GLRA1: variants seen among roughly 807,000 people sequenced by gnomAD.
The protein encoded by GLRA1 is glycine receptor subunit alpha-1.
In GLRA1, 37 loss-of-function variants were observed where a neutral mutation model predicts 48.3. The ratio of observed to expected loss-of-function variants is 0.77; its 90% confidence interval spans 0.59 to 1.01. The LOEUF is 1.01. Ranked by LOEUF, GLRA1 falls within the 50% of genes least tolerant of loss-of-function variation. GLRA1 has a pLI of 0.00. For missense variants in GLRA1, 427 were observed against 571.0 expected (o/e 0.75, Z 2.57); for synonymous variants, 196 against 210.7 (o/e 0.93, Z 0.60).
intron 3 of GLRA1, among the ~76,000 whole-genome samples, chr5:151,864,139 A>ATGTGTG (rs5872230): frequency 0.027 from 4,085 of 150,196 alleles, 70 homozygotes; most frequent in South Asian, 0.076. Context: ...TGAAGTGTGC[A>ATGTGTG]TGTGTGTGTG....
At chr5:151,881,982 G>C (rs1340539332) in intron 3 of GLRA1, among the ~76,000 whole-genome samples, 1 of 152,194 alleles carries the variant, frequency 6.6e-6, no homozygotes, top group African/African-American at 2.4e-5. Flanking sequence ...CTAGCTGTTT[G>C]TGTGGTTGGA....
intron 7 of GLRA1, among the ~76,000 whole-genome samples, chr5:151,843,484 A>G (rs1752565286): frequency 6.6e-6 from 1 of 151,796 alleles, no homozygotes; most frequent in African/African-American, 2.4e-5. Flanking sequence ...GATGGTCTAG[A>G]TCTCCTGACC....
chr5:151,875,894 A>G (rs1335579324), intron 3 of GLRA1, among the ~76,000 whole-genome samples: 3 of 152,192 alleles, frequency 2.0e-5, no homozygotes, highest in African/African-American at 7.2e-5. Context: ...TGGCTGTGCC[A>G]TTTATTGGCT....
In GLRA1 at chr5:151,924,519, G is replaced by T. The variant is rs750512870; in HGVS notation, c.31C>A (p.Leu11Ile). The T allele has an allele frequency of 9.3e-6, 15 of 1,604,486 alleles. No individual in the cohort carries two copies. The Admixed American group carries it at 1.2e-4, about 12-fold the overall frequency. MYSFNTLRLY[L>I]WETIVFFSLA... The stretch of plus-strand genomic sequence containing the variant: ...CTGAAGAATACAATGGTCTCCCAAA[G>T]GTAGAGTCGAAGAGTATTGAAGCTG... Residue 11 changes from leucine to isoleucine, a missense_variant, in exon 1 of 9, where the codon CTT (leucine) becomes ATT (isoleucine). Physicochemically the swap from Leu to Ile is conservative, Grantham distance 5. Around this residue, in one of 4 missense-constraint regions of GLRA1, gnomAD observed 271 missense variants for 434.9 expected, o/e 0.62. Transcript: ENST00000274576.
chr5:151,861,179 A>G (rs988425475), intron 3 of GLRA1, among the ~76,000 whole-genome samples: 2 of 152,234 alleles, frequency 1.3e-5, no homozygotes, highest in African/African-American at 4.8e-5. Flanking sequence ...TAATGCCACA[A>G]TAAACATACG....
At chr5:151,869,679 C>T (rs993316887) in intron 3 of GLRA1, among the ~76,000 whole-genome samples, 8 of 149,682 alleles carry the variant, frequency 5.3e-5, no homozygotes, top group African/African-American at 1.8e-4. Context: ...TGTGCTACTG[C>T]ACTCCAGCTG....
intron 2 of GLRA1, among the ~76,000 whole-genome samples, chr5:151,887,313 C>T (rs1010430786): frequency 1.3e-5 from 2 of 152,164 alleles, no homozygotes; most frequent in African/African-American, 2.4e-5. Context: ...CTGAGCAAGT[C>T]TTTTGAATCC....
intron 3 of GLRA1, among the ~76,000 whole-genome samples, chr5:151,872,309 T>C (rs1337274582): frequency 6.7e-6 from 1 of 149,448 alleles, no homozygotes; most frequent in East Asian, 1.9e-4. Flanking sequence ...TATTAAAAGA[T>C]GCTCAGATTC....
chr5:151,860,445 G>T (rs1267097472), intron 3 of GLRA1, among the ~76,000 whole-genome samples: 1 of 151,932 alleles, frequency 6.6e-6, no homozygotes, highest in East Asian at 1.9e-4. Context: ...TACTTCTTAG[G>T]CACACTAAGA....
intron 2 of GLRA1, among the ~76,000 whole-genome samples, 159 bp downstream of exon 2, chr5:151,892,152 G>A (rs1754093439): frequency 6.6e-6 from 1 of 152,216 alleles, no homozygotes; most frequent in African/African-American, 2.4e-5. Flanking sequence ...GGCTTGGTGG[G>A]AGAGAAGACT....
At chr5:151,924,306 C>A (rs1057218933) in intron 1 of GLRA1, among the ~76,000 whole-genome samples, 188 bp downstream of exon 1, 5 of 9,182 alleles carry the variant, frequency 5.4e-4, no homozygotes, top group African/African-American at 1.3e-3. Context: ...AGACACCCTG[C>A]GGGCGGGGGT....
intron 3 of GLRA1, among the ~76,000 whole-genome samples, chr5:151,863,901 G>A (rs2113366880): frequency 6.6e-6 from 1 of 152,278 alleles, no homozygotes; most frequent in South Asian, 2.1e-4. Flanking sequence ...ATATTTTATA[G>A]GATTGTTCTA....
chr5:151,866,927 A>AT lies in GLRA1; in HGVS notation c.253-6920_253-6919insA, dbSNP rs1436978589. Among the ~76,000 whole-genome samples, 21 of 151,846 alleles carry AT rather than the reference A, an allele frequency of 1.4e-4. No homozygotes were observed. In the South Asian group the frequency reaches 1.7e-3, roughly 12 times the overall value. On this transcript the variant is annotated intron_variant, in intron 3 of 8. Transcript: ENST00000274576. ...GAGACAAGCCTGGGCAATGTGGAAA[A>AT]CTCCATCTGTACAAAAAAAGTAAAA...
At chr5:151,828,833 T>C (rs1474817741) in intron 8 of GLRA1, 88 bp downstream of exon 8, 3 of 1,346,732 alleles carry the variant, frequency 2.2e-6, no homozygotes, top group Non-Finnish European at 3.1e-6. Context: ...GGATGGACCA[T>C]TGAAACAAAT....
At position 151,924,711 on chromosome 5, in the gene GLRA1, G is replaced by C. The variant is rs1490949390; in HGVS notation, c.-162C>G. On this transcript the variant is annotated 5_prime_UTR_variant, in exon 1 of 9. Coordinates refer to ENST00000274576, the MANE Select transcript of GLRA1 (RefSeq NM_000171.4). ...GGAGAGCCCCAGGGGAAATTGGAGC[G>C]AGGGGGTCGTAGATACCACGGACAG... The C allele has an allele frequency of 1.4e-6, 1 of 697,444 alleles. No homozygotes were observed. Among genetic ancestry groups the C allele is most frequent in the Non-Finnish European group, 2.6e-6 (1 of 381,300 alleles). The allele number at this position is 697,444 out of a possible 1,614,324, so 43.2% of individuals were successfully genotyped here.
intron 7 of GLRA1, among the ~76,000 whole-genome samples, chr5:151,835,027 CAAAAAAAAAAA>C: frequency 1.9e-5 from 1 of 52,536 alleles, no homozygotes; most frequent in Non-Finnish European, 3.4e-5. Context: ...GACAACATCT[CAAAAAAAAAAA>C]AAAAAAAAAA....
intron 7 of GLRA1, chr5:151,849,925 C>T: frequency 1.9e-6 from 3 of 1,548,262 alleles, no homozygotes; most frequent in Non-Finnish European, 8.7e-7. Flanking sequence ...TGCCTCCTGC[C>T]ATGTTTTGGG....
At chr5:151,881,262 G>T (rs1278457281) in intron 3 of GLRA1, among the ~76,000 whole-genome samples, 2 of 151,844 alleles carry the variant, frequency 1.3e-5, no homozygotes, top group Admixed American at 6.6e-5. Flanking sequence ...CAGAGGGGCT[G>T]CTCTAGATCA....
intron 1 of GLRA1, among the ~76,000 whole-genome samples, chr5:151,901,516 G>C (rs1020008439): frequency 6.6e-6 from 1 of 152,218 alleles, no homozygotes; most frequent in African/African-American, 2.4e-5. Flanking sequence ...CCACGAGTTG[G>C]ACAGAAGAGC....
Sources: allele counts gnomAD v4.1 joint callset (sites outside exome capture counted in the v4.1 genomes callset), GRCh38; gene constraint gnomAD v4.1.1; regional missense constraint gnomAD v4.1.1; transcripts MANE v1.5; gene names NCBI Gene and HGNC (gene_info 2026-07-23, HGNC 2026-07-21).